Variants in COX15 observed in about 807,000 individuals in gnomAD.
COX15 encodes heme A synthase COX15.
COX15 carries 51 observed loss-of-function variants against 51.9 expected under a neutral mutation model. That is an observed-to-expected ratio of 0.98 (90% CI 0.78 to 1.24). The LOEUF is 1.24. COX15 is among the 50% of genes most tolerant of loss of function. The pLI, the probability that COX15 is intolerant of heterozygous loss-of-function variation, is 0.00. For missense variants in COX15, 420 were observed against 501.1 expected (o/e 0.84, Z 1.55); for synonymous variants, 188 against 190.5 (o/e 0.99, Z 0.11).
Position 99,711,496 on chromosome 10 carries a change from G to T in COX15, c.*3091C>A, listed in dbSNP as rs1014243832. The stretch of plus-strand genomic sequence containing the variant: ...ACATAGCAGATCAAATGATAAGGTG[G>T]GGTGGAAATTAGAAGGGAATGGGAA... On this transcript the variant is annotated 3_prime_UTR_variant, in exon 9 of 9. Transcript: ENST00000016171. 7 of 985,252 alleles carry T rather than the reference G, an allele frequency of 7.1e-6. No homozygotes were observed. The African/African-American group carries it at 1.2e-4, about 17-fold the overall frequency. 61.0% of individuals were successfully genotyped at this position (985,252 alleles called of 1,614,324 possible).
chr10:99,718,373 G>A lies in COX15; in HGVS notation c.960C>T (p.Thr320=). 6.2e-7 allele frequency: 1 copy of A among 1,614,112 alleles called. No homozygotes were observed. The highest frequency in any genetic ancestry group is 8.5e-7 in the Non-Finnish European group (1 of 1,180,008). The part of the protein sequence containing the change: ...PILRNVFENP[T]MVQFDHRILG... ...GAATCCGGTGATCAAACTGCACCAT[G>A]GTGGGATTCTCAAAAACATTCCTCA... is the stretch of plus-strand genomic sequence containing the variant. The change falls in exon 7 of 9, where the codon ACC becomes ACT. Residue 320 remains threonine, a synonymous_variant. Transcript: ENST00000016171.
chr10:99,709,653 G>T (rs2036323407), downstream of COX15: 1 of 985,286 alleles, frequency 1.0e-6, no homozygotes, highest in African/African-American at 1.7e-5. Context: ...TTGGAAAGCT[G>T]TGGCACCCTG....
In COX15 at chr10:99,721,221, C is replaced by T. The variant is rs564735713; in HGVS notation, c.751-153G>A. 2.7e-3 allele frequency among the ~76,000 whole-genome samples: 416 copies of T among 152,288 alleles called. 2 individuals carry two copies. The highest frequency in any genetic ancestry group is 4.7e-3 in the Non-Finnish European group (319 of 68,024). ...AGTACTCCTGGCAGATATTCTGTTC[C>T]AACATGTACTGTATTTTATTATAAT... On this transcript the variant is annotated intron_variant, in intron 5 of 8. Transcript: ENST00000016171.
the COX15 span, chr10:99,702,742 T>A: frequency 7.0e-7 from 1 of 1,431,846 alleles, no homozygotes; most frequent in East Asian, 2.5e-5. Flanking sequence ...AGAATCGGTT[T>A]CTTTCTTTTT....
chr10:99,696,295 G>A, the COX15 span, among the ~76,000 whole-genome samples: 3 of 152,136 alleles, frequency 2.0e-5, no homozygotes, highest in African/African-American at 4.8e-5. Context: ...TCCCACTCTG[G>A]GTGAGGGTGC....
intron 4 of COX15, among the ~76,000 whole-genome samples, chr10:99,725,798 C>T (rs1484901079): frequency 6.6e-6 from 1 of 152,154 alleles, no homozygotes; most frequent in Non-Finnish European, 1.5e-5. Flanking sequence ...GATCCCCCAC[C>T]TTGGCTTCCG....
At chr10:99,697,694 G>A in the COX15 span, 3 of 160,068 alleles carry the variant, frequency 1.9e-5, no homozygotes, top group African/African-American at 7.2e-5. Context: ...GTTGTAAAGT[G>A]TTCTGTTGTA....
At chr10:99,705,808 A>G in the COX15 span, 3 of 152,386 alleles carry the variant, frequency 2.0e-5, no homozygotes, top group South Asian at 2.1e-4. Flanking sequence ...CAGAACCTCT[A>G]TTAAGAGACT....
At chr10:99,710,485 T>G, downstream of COX15, 1 of 985,466 alleles carries the variant, frequency 1.0e-6, no homozygotes, top group Non-Finnish European at 1.2e-6. Context: ...TGTATTACAT[T>G]GCTTTGGGGA....
chr10:99,697,680 AGTT>A, the COX15 span: 1 of 159,850 alleles, frequency 6.3e-6, no homozygotes, highest in Middle Eastern at 1.3e-3. Flanking sequence ...AGTCGGTTCC[AGTT>A]GTTGTAAAGT....
Position 99,726,958 on chromosome 10 carries a change from T to TA in COX15, c.582+9dup. 1.2e-6 allele frequency: 2 copies of TA among 1,603,592 alleles called. No homozygotes were observed. Among genetic ancestry groups the TA allele is most frequent in the Non-Finnish European group, 1.7e-6 (2 of 1,175,516 alleles). Reference sequence around the variant, plus strand: ...GCATTTCTGGTTTCTCAACCTTGAATAAATCTTACCTGGAAGCAGACGAGG... The same window carrying TA: ...GCATTTCTGGTTTCTCAACCTTGAATAAAATCTTACCTGGAAGCAGACGAGG... On this transcript the variant is annotated intron_variant, in intron 4 of 8. Coordinates refer to ENST00000016171, the MANE Select transcript of COX15 (RefSeq NM_078470.6).
At chr10:99,723,743 A>C (rs1376890601) in intron 5 of COX15, among the ~76,000 whole-genome samples, 1 of 152,106 alleles carries the variant, frequency 6.6e-6, no homozygotes, top group Non-Finnish European at 1.5e-5. Flanking sequence ...GCCATCCACC[A>C]TCCCTTCTAG....
Position 99,712,402 on chromosome 10 carries a change from T to C in COX15, c.*2185A>G. 2 of 985,420 alleles carry C rather than the reference T, an allele frequency of 2.0e-6. No homozygotes were observed. Among genetic ancestry groups the C allele is most frequent in the Non-Finnish European group, 2.4e-6 (2 of 829,918 alleles). 61.0% of individuals were successfully genotyped at this position (985,420 alleles called of 1,614,324 possible). On this transcript the variant is annotated 3_prime_UTR_variant, in exon 9 of 9. Coordinates refer to ENST00000016171, the MANE Select transcript of COX15 (RefSeq NM_078470.6). ...AGTTCCCAACACTTAATTGAGAGCT[T>C]TCACAGAAAAATCTAGATATGTGGC...
chr10:99,723,584 T>G (rs1386629084), intron 5 of COX15, among the ~76,000 whole-genome samples: 1 of 152,242 alleles, frequency 6.6e-6, no homozygotes, highest in Non-Finnish European at 1.5e-5. Context: ...ACTAGTACTT[T>G]GCTTTAATCA....
downstream of COX15, among the ~76,000 whole-genome samples, chr10:99,708,191 T>TTAAC (rs1162213793): frequency 6.6e-6 from 1 of 152,154 alleles, no homozygotes; most frequent in African/African-American, 2.4e-5. Flanking sequence ...AGAGATTCCT[T>TTAAC]TAACTTCAAG....
At chr10:99,698,497 GTGTTTGTTTGTT>G in the COX15 span, 77 of 1,563,358 alleles carry the variant, frequency 4.9e-5, 2 homozygotes, top group South Asian at 8.3e-4. Context: ...CAGGCATGAC[GTGTTTGTTTGTT>G]TGTTTGTTTT....
intron 6 of COX15, among the ~76,000 whole-genome samples, chr10:99,719,898 T>C (rs1479619122): frequency 6.6e-6 from 1 of 152,186 alleles, no homozygotes; most frequent in Non-Finnish European, 1.5e-5. Context: ...TTATTTTTAG[T>C]CCAGAGCAGT....
At chr10:99,728,560 G>T (rs1371821696) in intron 2 of COX15, among the ~76,000 whole-genome samples, 1 of 152,188 alleles carries the variant, frequency 6.6e-6, no homozygotes, top group African/African-American at 2.4e-5. Context: ...TTATAATTTT[G>T]CTACGCTAAT....
chr10:99,713,183 A>G lies in COX15; in HGVS notation c.*1404T>C. Reference sequence around the variant, plus strand: ...CTGTTATCATATAATAACAACATGAATACTACTTGGTTCATATTGAACCTG... The same window carrying G: ...CTGTTATCATATAATAACAACATGAGTACTACTTGGTTCATATTGAACCTG... On this transcript the variant is annotated 3_prime_UTR_variant, in exon 9 of 9. Transcript: ENST00000016171. 2 of 1,380,508 alleles carry G rather than the reference A, an allele frequency of 1.4e-6. No individual in the cohort carries two copies. The highest frequency in any genetic ancestry group is 3.0e-5 in the Admixed American group (1 of 33,770). The allele number at this position is 1,380,508 out of a possible 1,614,324, so 85.5% of individuals were successfully genotyped here. A position where few individuals can be genotyped will look rare whatever the true frequency, so the allele number is the denominator to read the frequency against.
Sources: gnomAD v4.1 joint callset for allele counts (sites outside exome capture counted in the v4.1 genomes callset) on GRCh38, gnomAD v4.1.1 for gene constraint, MANE v1.5 for transcripts, NCBI Gene and HGNC (gene_info 2026-07-23, HGNC 2026-07-21) for gene names.